Variants in FANCI observed in about 807,000 individuals in gnomAD.
FANCI encodes the protein FA complementation group I, also known as Fanconi anemia group I protein.
In FANCI, 156 loss-of-function variants were observed where a neutral mutation model predicts 176.1. The observed-to-expected ratio is 0.89, with a 90% CI of 0.78 to 1.01. The LOEUF (loss-of-function observed/expected upper bound fraction) is 1.01, where lower values mean the gene tolerates loss of function less well. Among genes scored for constraint, FANCI ranks in the 50% least tolerant of loss-of-function variants. The pLI, the probability that FANCI is intolerant of heterozygous loss-of-function variation, is 0.00. For synonymous variants in FANCI, 613 were observed against 541.7 expected, an observed-to-expected ratio of 1.13 and a Z score of -1.83; for missense variants, 1,678 against 1,534.1, an observed-to-expected ratio of 1.09 and a Z score of -1.57.
chr15:89,273,362 G>A lies in FANCI; in HGVS notation c.883-15G>A, dbSNP rs922821639. The A allele has an allele frequency of 2.3e-6, 3 of 1,319,256 alleles. No homozygotes were observed. The highest frequency in any genetic ancestry group is 2.3e-5 in the East Asian group (1 of 43,266). The allele number at this position is 1,319,256 out of a possible 1,614,324, so 81.7% of individuals were successfully genotyped here. A position where few individuals can be genotyped will look rare whatever the true frequency, so the allele number is the denominator to read the frequency against. The stretch of plus-strand genomic sequence containing the variant: ...AATGTAAGTAAATGACTTCCTTTTG[G>A]TTGCTCTCTTCTAGGTAGGACAGCA... On this transcript the variant is annotated splice_polypyrimidine_tract_variant and intron_variant, in intron 10 of 37. Coordinates refer to ENST00000310775, the MANE Select transcript of FANCI (RefSeq NM_001113378.2).
rs931290756 is a variant in FANCI, at chr15:89,291,729, C to T, written c.1992+15C>T. The T allele has an allele frequency of 1.3e-6, 2 of 1,588,144 alleles. No individual in the cohort carries two copies. Among genetic ancestry groups the T allele is most frequent in the African/African-American group, 1.3e-5 (1 of 74,500 alleles). On this transcript the variant is annotated intron_variant, in intron 20 of 37. Transcript: ENST00000310775. Reference sequence around the variant, plus strand: ...AAGAACCACTGGTGAGACTTTTATTCTTCCTTCAACCATTATTTTTAGTAT... The same window carrying T: ...AAGAACCACTGGTGAGACTTTTATTTTTCCTTCAACCATTATTTTTAGTAT...
chr15:89,283,197 GT>G lies in FANCI; in HGVS notation c.1649del (p.Leu550Ter), dbSNP rs2053681758. The G allele has an allele frequency of 6.2e-7, 1 of 1,614,060 alleles. No individual in the cohort carries two copies. The highest frequency in any genetic ancestry group is 1.3e-5 in the African/African-American group (1 of 74,936). ...GFLLLLKNFK[V>X]LGSLSSSQCS... is the part of the protein sequence containing the mutation. Reference sequence around the variant, plus strand: ...TTTGCTGCTCCTGAAGAACTTTAAAGTTTTAGGCAGCCTGTCATCCTCTCAG... The same window carrying G: ...TTTGCTGCTCCTGAAGAACTTTAAAGTTTAGGCAGCCTGTCATCCTCTCAG... On this transcript the variant is annotated frameshift_variant, in exon 17 of 38. Transcript: ENST00000310775. LOFTEE classifies it high-confidence loss of function.
chr15:89,255,077 T>G (rs2052435581), intron 2 of FANCI, among the ~76,000 whole-genome samples: 1 of 152,236 alleles, frequency 6.6e-6, no homozygotes, highest in African/African-American at 2.4e-5. Flanking sequence ...CATCCTACAT[T>G]GCTCTTAGTT....
intron 18 of FANCI, among the ~76,000 whole-genome samples, chr15:89,286,883 T>C (rs1401631107): frequency 6.6e-6 from 1 of 151,944 alleles, no homozygotes; most frequent in Non-Finnish European, 1.5e-5. Flanking sequence ...GAAAATCTGT[T>C]GTTTAATATA....
chr15:89,292,950 A>C lies in FANCI; in HGVS notation c.2178A>C (p.Ser726=). 6.2e-7 allele frequency: 1 copy of C among 1,614,138 alleles called. No homozygotes were observed. The highest frequency in any genetic ancestry group is 2.2e-5 in the East Asian group (1 of 44,858). ...SELEDFELDK[S]ADFSQSTSIG... is the part of the protein sequence containing the mutation. ...TATCTTGTGTCTTTTAGGATAAATC[A>C]GCAGATTTTTCTCAGAGCACCAGTA... Residue 726 remains serine, a synonymous_variant, in exon 22 of 38, where the codon TCA becomes TCC. Coordinates refer to ENST00000310775, the MANE Select transcript of FANCI (RefSeq NM_001113378.2).
chr15:89,246,194 C>G (rs1478657791), intron 1 of FANCI, among the ~76,000 whole-genome samples: 1 of 152,178 alleles, frequency 6.6e-6, no homozygotes, highest in Admixed American at 6.5e-5. Context: ...CATAGCTACT[C>G]ACTGAATTCT....
In FANCI at chr15:89,294,893, C is replaced by G. The variant is rs571061651; in HGVS notation, c.2457-22C>G. The G allele has an allele frequency of 5.2e-6, 8 of 1,530,778 alleles. No individual in the cohort carries two copies. The South Asian group carries it at 8.6e-5, about 16-fold the overall frequency. 94.8% of individuals were successfully genotyped at this position (1,530,778 alleles called of 1,614,324 possible). A position where few individuals can be genotyped will look rare whatever the true frequency, so the allele number is the denominator to read the frequency against. Reference sequence around the variant, plus strand: ...AGTAAGGGAATCTTCCTTTTTCTTTCTCTCTCTCTGTCTCTCTCTAGGGAT... The same window carrying G: ...AGTAAGGGAATCTTCCTTTTTCTTTGTCTCTCTCTGTCTCTCTCTAGGGAT... On this transcript the variant is annotated intron_variant, in intron 23 of 37. Coordinates refer to ENST00000310775, the MANE Select transcript of FANCI (RefSeq NM_001113378.2).
At chr15:89,279,692 A>T (rs1054972181) in intron 14 of FANCI, among the ~76,000 whole-genome samples, 1 of 151,936 alleles carries the variant, frequency 6.6e-6, no homozygotes, top group African/African-American at 2.4e-5. Context: ...CATTGCTCCT[A>T]TTTCCATTAT....
At chr15:89,292,421 GTTAT>G (rs2054103187) in intron 20 of FANCI, among the ~76,000 whole-genome samples, 1 of 152,156 alleles carries the variant, frequency 6.6e-6, no homozygotes, top group Admixed American at 6.5e-5. Flanking sequence ...TAGCTCCAGG[GTTAT>G]TTATCAGACC....
At chr15:89,279,902 C>T (rs2053551493) in intron 14 of FANCI, among the ~76,000 whole-genome samples, 1 of 152,166 alleles carries the variant, frequency 6.6e-6, no homozygotes, top group Non-Finnish European at 1.5e-5. Context: ...AACTGGTTTC[C>T]TGGCTTTTTC....
Position 89,261,862 on chromosome 15 carries a change from A to T in FANCI, c.487A>T (p.Thr163Ser). 3 of 1,614,038 alleles carry T rather than the reference A, an allele frequency of 1.9e-6. No individual in the cohort carries two copies. Among genetic ancestry groups the T allele is most frequent in the Non-Finnish European group, 2.5e-6 (3 of 1,179,960 alleles). ...GEECKKQLINTLCSGRWDQQY... is the reference protein window; with the variant it reads ...GEECKKQLINSLCSGRWDQQY... ...AGAATGTAAGAAACAGTTGATTAAC[A>T]CCCTGTGTTCTGGCAGGTGAGTCTT... Residue 163 changes from threonine (T) to serine (S), a missense_variant, in exon 6 of 38, where the codon ACC (threonine) becomes TCC (serine). This residue lies in a region of FANCI where 469 missense variants were observed against 436.9 expected (regional missense o/e 1.07). Transcript: ENST00000310775.
chr15:89,286,319 C>A (rs928784315), intron 18 of FANCI, among the ~76,000 whole-genome samples: 1 of 152,226 alleles, frequency 6.6e-6, no homozygotes, highest in Admixed American at 6.5e-5. Flanking sequence ...AAAGCAACTT[C>A]TTTTTCTTTT....
At chr15:89,311,926 C>G (rs568291163) in intron 34 of FANCI, among the ~76,000 whole-genome samples, 2 of 152,164 alleles carry the variant, frequency 1.3e-5, no homozygotes, top group Non-Finnish European at 2.9e-5. Context: ...TCTCCTGACT[C>G]AAGTCTTGAT....
At chr15:89,299,350 A>G (rs888195991) in intron 24 of FANCI, among the ~76,000 whole-genome samples, 2 of 152,168 alleles carry the variant, frequency 1.3e-5, no homozygotes, top group Admixed American at 1.3e-4. Flanking sequence ...ATTCTGTGCA[A>G]ATTCTTCCAG....
rs375237159 is a variant in FANCI, at chr15:89,270,652, T to C, written c.882+2127T>C. On this transcript the variant is annotated intron_variant, in intron 10 of 37. Coordinates refer to ENST00000310775, the MANE Select transcript of FANCI (RefSeq NM_001113378.2). ...AGAGCCTCTCCTTTCCCTATTGTTT[T>C]GAATATCATTATGCACTCATGAACC... Among the ~76,000 whole-genome samples the C allele has an allele frequency of 5.3e-5, 8 of 152,228 alleles. No individual in the cohort carries two copies. In the East Asian group the frequency reaches 7.7e-4, roughly 15 times the overall value.
intron 17 of FANCI, among the ~76,000 whole-genome samples, chr15:89,283,696 G>C (rs2053705853): frequency 6.6e-6 from 1 of 151,746 alleles, no homozygotes; most frequent in Admixed American, 6.6e-5. Flanking sequence ...TTTTTAATGT[G>C]GCTACTAGAA....
In FANCI at chr15:89,254,510, A is replaced by T. The variant is rs148250452; in HGVS notation, c.85-4194A>T. Among the ~76,000 whole-genome samples, 139 of 152,310 alleles carry T rather than the reference A, an allele frequency of 9.1e-4. 1 individual carries two copies. In the East Asian group the frequency reaches 0.022, roughly 24 times the overall value. ...AATAAGTTCAATAATGAACCATTGA[A>T]AAATACAGAGATTTATAAGTCCATA... On this transcript the variant is annotated intron_variant, in intron 2 of 37. Transcript: ENST00000310775.
intron 10 of FANCI, among the ~76,000 whole-genome samples, chr15:89,271,381 T>C (rs916842069): frequency 2.0e-5 from 3 of 152,222 alleles, no homozygotes; most frequent in Non-Finnish European, 4.4e-5. Context: ...TTCCTAGATA[T>C]TTTGTATAAA....
At position 89,301,357 on chromosome 15, in the gene FANCI, A is replaced by T; in HGVS notation, c.2921A>T (p.Glu974Val). ...TTGTTGAATTTACTTAGCAGTCAAGAGGAAGATTTTAATAGCAAAGAAGCC... is the reference window on the plus strand; with the variant it reads ...TTGTTGAATTTACTTAGCAGTCAAGTGGAAGATTTTAATAGCAAAGAAGCC... The part of the protein sequence containing the change: ...RSLLNLLSSQ[E>V]EDFNSKEALL... The change falls in exon 27 of 38, where the codon GAG becomes GTG. Residue 974 changes from glutamate to valine, a missense_variant. Physicochemically the swap from Glu to Val is moderately radical, Grantham distance 121. This residue lies in a region of FANCI where 1,204 missense variants were observed against 1,077.4 expected (regional missense o/e 1.12). Transcript: ENST00000310775. The T allele has an allele frequency of 6.2e-7, 1 of 1,614,040 alleles. No individual in the cohort carries two copies.
Sources: allele counts gnomAD v4.1 joint callset (sites outside exome capture counted in the v4.1 genomes callset), GRCh38; gene constraint gnomAD v4.1.1; regional missense constraint gnomAD v4.1.1; transcripts MANE v1.5; gene names NCBI Gene and HGNC (gene_info 2026-07-23, HGNC 2026-07-21).